The following TMEM41B variants were observed in gnomAD, a reference collection of about 807,000 sequenced individuals.
TMEM41B encodes transmembrane protein 41B, also known as protein stasimon.
TMEM41B carries 18 observed loss-of-function variants against 31.9 expected under a neutral mutation model. The observed-to-expected ratio is 0.56, with a 90% CI of 0.39 to 0.84. The LOEUF is 0.84. Ranked by LOEUF, TMEM41B falls within the 40% of genes least tolerant of loss-of-function variation. The pLI is 0.00. For synonymous variants in TMEM41B, 144 were observed against 124.3 expected (o/e 1.16, Z -1.05); for missense variants, 322 against 348.0 (o/e 0.93, Z 0.59).
intron 1 of TMEM41B, among the ~76,000 whole-genome samples, chr11:9,305,749 A>T (rs1448825755): frequency 6.6e-6 from 1 of 152,190 alleles, no homozygotes; most frequent in East Asian, 1.9e-4. Flanking sequence ...TGCTAGAATC[A>T]GGTCCAGAGT....
Position 9,286,401 on chromosome 11 carries a change from A to G in TMEM41B, c.706+54T>C. The G allele has an allele frequency of 6.6e-6, 10 of 1,522,642 alleles. No homozygotes were observed. In the South Asian group the frequency reaches 1.2e-4, roughly 18 times the overall value. The allele number at this position is 1,522,642 out of a possible 1,614,324, so 94.3% of individuals were successfully genotyped here. On this transcript the variant is annotated intron_variant, in intron 6 of 6. Coordinates refer to ENST00000528080, the MANE Select transcript of TMEM41B (RefSeq NM_015012.4). ...TGCATGTAATCTAGCCCAGCTGGAC[A>G]CTGTTAGATATGTACACAGTGAGCT... is the stretch of plus-strand genomic sequence containing the variant.
At chr11:9,306,230 C>T (rs1012556502) in intron 1 of TMEM41B, among the ~76,000 whole-genome samples, 3 of 151,848 alleles carry the variant, frequency 2.0e-5, no homozygotes, top group African/African-American at 2.4e-5. Context: ...CCGCCCACCT[C>T]AACCTCCCAA....
chr11:9,304,239 G>C (rs1000075938), intron 1 of TMEM41B, among the ~76,000 whole-genome samples: 6 of 152,042 alleles, frequency 3.9e-5, no homozygotes, highest in Admixed American at 2.6e-4. Flanking sequence ...AACATGAAAA[G>C]GTCTCTGCAG....
chr11:9,281,107 C>G lies in TMEM41B; in HGVS notation c.*2317G>C, dbSNP rs2133602959. 1 of 152,068 alleles carries G rather than the reference C, an allele frequency of 6.6e-6. No homozygotes were observed. Among genetic ancestry groups the G allele is most frequent in the African/African-American group, 2.4e-5 (1 of 41,516 alleles). 9.4% of individuals were successfully genotyped at this position (152,068 alleles called of 1,614,324 possible). A position where few individuals can be genotyped will look rare whatever the true frequency, so the allele number is the denominator to read the frequency against. On this transcript the variant is annotated 3_prime_UTR_variant, in exon 7 of 7. Coordinates refer to ENST00000528080, the MANE Select transcript of TMEM41B (RefSeq NM_015012.4). The stretch of plus-strand genomic sequence containing the variant: ...CAATGGTAAGGACAGTAAATATACT[C>G]TGAGAATAGAGTAAGTACAATTTAC...
chr11:9,295,150 C>T (rs1350388203), intron 3 of TMEM41B, 109 bp downstream of exon 3: 5 of 1,168,738 alleles, frequency 4.3e-6, no homozygotes, highest in Non-Finnish European at 5.6e-6. Flanking sequence ...TATTGTCACA[C>T]TGCAATAACA....
intron 3 of TMEM41B, among the ~76,000 whole-genome samples, chr11:9,291,958 G>C (rs368647448): frequency 6.6e-6 from 1 of 152,136 alleles, no homozygotes; most frequent in East Asian, 1.9e-4. Flanking sequence ...CACCTGCCTC[G>C]GCCTCCCAAA....
At chr11:9,288,339 T>G in intron 4 of TMEM41B, 103 bp downstream of exon 4, 1 of 757,160 alleles carries the variant, frequency 1.3e-6, no homozygotes, top group South Asian at 2.7e-5. Flanking sequence ...CCTCTTCAAT[T>G]AATGAGTTTA....
intron 5 of TMEM41B, 126 bp from the exon 6 acceptor site, chr11:9,286,719 G>A: frequency 7.0e-6 from 7 of 1,003,876 alleles, no homozygotes; most frequent in South Asian, 1.8e-5. Context: ...GAAATGATCA[G>A]GCTGGCGAGG....
At chr11:9,290,824 T>A (rs1369922723) in intron 3 of TMEM41B, among the ~76,000 whole-genome samples, 1 of 152,088 alleles carries the variant, frequency 6.6e-6, no homozygotes, top group Non-Finnish European at 1.5e-5. Context: ...ATGCCCTATA[T>A]TAACATATTT....
intron 1 of TMEM41B, among the ~76,000 whole-genome samples, chr11:9,305,422 A>C (rs952729521): frequency 1.3e-5 from 2 of 152,134 alleles, no homozygotes; most frequent in African/African-American, 4.8e-5. Flanking sequence ...AACATAGTGA[A>C]ACCCTGTCTC....
At chr11:9,287,227 C>G (rs959238123) in intron 5 of TMEM41B, among the ~76,000 whole-genome samples, 1 of 152,006 alleles carries the variant, frequency 6.6e-6, no homozygotes, top group African/African-American at 2.4e-5. Context: ...AGGAGAAATG[C>G]TTGAACCGAG....
In TMEM41B at chr11:9,314,301, T is replaced by C. The variant is rs748928587; in HGVS notation, c.121+20A>G. On this transcript the variant is annotated intron_variant, in intron 1 of 6. Transcript: ENST00000528080. ...AGAAGCCTCGGGCCACCCCCAGCTC[T>C]GCTCCCCGGGCCCACTCACCCTTCT... is the stretch of plus-strand genomic sequence containing the variant. 6.3e-7 allele frequency: 1 copy of C among 1,591,096 alleles called. No individual in the cohort carries two copies. The highest frequency in any genetic ancestry group is 8.5e-7 in the Non-Finnish European group (1 of 1,174,836).
chr11:9,313,414 T>G (rs7121013), intron 1 of TMEM41B, among the ~76,000 whole-genome samples: 2 of 152,022 alleles, frequency 1.3e-5, no homozygotes, highest in Non-Finnish European at 2.9e-5. Context: ...ACAGACAAAC[T>G]TGTTAGGATC....
chr11:9,300,274 G>C (rs1301244658), intron 1 of TMEM41B, among the ~76,000 whole-genome samples: 1 of 151,986 alleles, frequency 6.6e-6, no homozygotes, highest in African/African-American at 2.4e-5. Flanking sequence ...TAAGCCAAAG[G>C]GGAAAAAAAG....
chr11:9,293,819 T>G (rs1271701938), intron 3 of TMEM41B, among the ~76,000 whole-genome samples: 1 of 151,912 alleles, frequency 6.6e-6, no homozygotes, highest in Non-Finnish European at 1.5e-5. Flanking sequence ...TGACCTCACG[T>G]GATTCACCCG....
At chr11:9,304,544 C>T (rs1853336700) in intron 1 of TMEM41B, among the ~76,000 whole-genome samples, 1 of 152,102 alleles carries the variant, frequency 6.6e-6, no homozygotes, top group Non-Finnish European at 1.5e-5. Context: ...GAAATCATAG[C>T]TCACTGCAGC....
chr11:9,295,412 T>G (rs1330684690), intron 2 of TMEM41B, 25 bp from the exon 3 acceptor site: 4 of 1,432,852 alleles, frequency 2.8e-6, no homozygotes, highest in Non-Finnish European at 3.8e-6. Context: ...TGAAAAATTT[T>G]AGAACAGAAT....
At chr11:9,311,524 G>C in intron 1 of TMEM41B, 1 of 1,355,684 alleles carries the variant, frequency 7.4e-7, no homozygotes, top group East Asian at 2.3e-5. Context: ...GGCCAACCTG[G>C]GGGGAAAGCT....
intron 2 of TMEM41B, among the ~76,000 whole-genome samples, chr11:9,299,282 CAAAA>C (rs1180036082): frequency 3.8e-4 from 16 of 41,704 alleles, no homozygotes; most frequent in Non-Finnish European, 5.0e-4. Flanking sequence ...GACTCTGTCT[CAAAA>C]AAAAAAAAAA....
Sources: allele counts gnomAD v4.1 joint callset (sites outside exome capture counted in the v4.1 genomes callset), GRCh38; gene constraint gnomAD v4.1.1; transcripts MANE v1.5; gene names NCBI Gene and HGNC (gene_info 2026-07-23, HGNC 2026-07-21).